Variants in ARID5B observed in about 807,000 individuals in gnomAD.
ARID5B encodes AT-rich interactive domain-containing protein 5B.
ARID5B carries 13 observed loss-of-function variants against 97.2 expected under a neutral mutation model. The observed-to-expected ratio is 0.13, with a 90% CI of 0.09 to 0.21. ARID5B has a LOEUF of 0.21. ARID5B is among the 10% of genes least tolerant of loss of function. The pLI is 1.00. For missense variants in ARID5B, 1,210 were observed against 1,465.3 expected (o/e 0.83, Z 2.84); for synonymous variants, 556 against 570.3 (o/e 0.97, Z 0.36).
intron 7 of ARID5B, among the ~76,000 whole-genome samples, chr10:62,059,958 TAAGA>T (rs1363810644): frequency 2.0e-5 from 3 of 152,286 alleles, no homozygotes; most frequent in Admixed American, 6.5e-5. Context: ...AATCTTTAAA[TAAGA>T]AAGAGCTGCA....
At chr10:61,920,903 A>T (rs1039124956) in intron 2 of ARID5B, among the ~76,000 whole-genome samples, 8 of 152,170 alleles carry the variant, frequency 5.3e-5, no homozygotes, top group Non-Finnish European at 1.0e-4. Context: ...CCTCTTTCAT[A>T]CTGAAAAATA....
intron 3 of ARID5B, among the ~76,000 whole-genome samples, chr10:61,982,675 C>A (rs1838793058): frequency 2.0e-5 from 3 of 152,168 alleles, no homozygotes. Flanking sequence ...ATCTCTTCCA[C>A]TAACTTGTGC....
chr10:62,019,476 T>G (rs1184000286), intron 4 of ARID5B, among the ~76,000 whole-genome samples: 1 of 152,222 alleles, frequency 6.6e-6, no homozygotes, highest in African/African-American at 2.4e-5. Flanking sequence ...AAAATATTGT[T>G]GAGGCATTTA....
At chr10:62,004,854 G>A in intron 4 of ARID5B, among the ~76,000 whole-genome samples, 1 of 152,170 alleles carries the variant, frequency 6.6e-6, no homozygotes, top group East Asian at 1.9e-4. Context: ...GTAGATAAAA[G>A]GATAACTTTA....
chr10:61,987,681 G>A (rs1322442463), intron 3 of ARID5B, among the ~76,000 whole-genome samples: 1 of 152,234 alleles, frequency 6.6e-6, no homozygotes, highest in Non-Finnish European at 1.5e-5. Flanking sequence ...ATATGTAAAT[G>A]AATGTGCATG....
chr10:61,907,540 C>T (rs1843727530), intron 2 of ARID5B, among the ~76,000 whole-genome samples: 1 of 152,276 alleles, frequency 6.6e-6, no homozygotes, highest in Non-Finnish European at 1.5e-5. Context: ...TAGTATAGTA[C>T]CTACACATGA....
intron 8 of ARID5B, among the ~76,000 whole-genome samples, chr10:62,071,567 A>AAGAGAG (rs3050506): frequency 1.4e-5 from 2 of 146,888 alleles, no homozygotes; most frequent in African/African-American, 2.5e-5. Flanking sequence ...AAAAAAAAAA[A>AAGAGAG]AGAGAGAAGG....
At chr10:62,044,011 C>T (rs566165866) in intron 4 of ARID5B, among the ~76,000 whole-genome samples, 34 of 151,842 alleles carry the variant, frequency 2.2e-4, no homozygotes, top group African/African-American at 6.8e-4. Context: ...GGCAAAGTGA[C>T]GACCTCATAT....
At chr10:61,909,547 G>A (rs1843767670) in intron 2 of ARID5B, among the ~76,000 whole-genome samples, 2 of 151,874 alleles carry the variant, frequency 1.3e-5, no homozygotes, top group South Asian at 4.2e-4. Context: ...GGATGGTCCC[G>A]ATCTCCTGAC....
intron 4 of ARID5B, among the ~76,000 whole-genome samples, chr10:62,035,311 A>G (rs1033034640): frequency 7.2e-5 from 11 of 152,206 alleles, no homozygotes; most frequent in African/African-American, 1.2e-4. Flanking sequence ...ATTTCAAAAC[A>G]TGACACAGAG....
In ARID5B at chr10:62,095,063, TC is replaced by T. The variant is rs1840448014; in HGVS notation, c.*2035del. The T allele has an allele frequency of 4.4e-6, 1 of 229,468 alleles. No individual in the cohort carries two copies. 14.2% of individuals were successfully genotyped at this position (229,468 alleles called of 1,614,324 possible). On this transcript the variant is annotated 3_prime_UTR_variant, in exon 10 of 10. Coordinates refer to ENST00000279873, the MANE Select transcript of ARID5B (RefSeq NM_032199.3). ...AATGTAGAGATCCAGTGTTAAGAGTTCCATTTGCTTCAATTAATTATTTACC... is the reference window on the plus strand; with the variant it reads ...AATGTAGAGATCCAGTGTTAAGAGTTCATTTGCTTCAATTAATTATTTACC...
intron 8 of ARID5B, among the ~76,000 whole-genome samples, chr10:62,079,570 C>G (rs75263852): frequency 0.088 from 13,376 of 152,230 alleles, 771 homozygotes; most frequent in East Asian, 0.2. Context: ...CCATGTAACT[C>G]CAGTTCAGGA....
At chr10:61,999,895 C>T (rs1000918947) in intron 3 of ARID5B, among the ~76,000 whole-genome samples, 196 bp from the exon 4 acceptor site, 1 of 152,028 alleles carries the variant, frequency 6.6e-6, no homozygotes, top group African/African-American at 2.4e-5. Context: ...GTCCACTGTG[C>T]GGGTAGCCTG....
chr10:62,055,377 A>G (rs1025775637), intron 5 of ARID5B, among the ~76,000 whole-genome samples: 1 of 152,196 alleles, frequency 6.6e-6, no homozygotes, highest in African/African-American at 2.4e-5. Flanking sequence ...TACGAAAATA[A>G]TAACTACCTC....
chr10:62,013,817 C>T (rs1839250181), intron 4 of ARID5B, among the ~76,000 whole-genome samples: 1 of 97,444 alleles, frequency 1.0e-5, no homozygotes. Flanking sequence ...TATATATATA[C>T]CACATTTTCT....
chr10:62,035,882 T>A (rs143219113), intron 4 of ARID5B, among the ~76,000 whole-genome samples: 1 of 152,142 alleles, frequency 6.6e-6, no homozygotes, highest in Non-Finnish European at 1.5e-5. Context: ...TGGAGTGCAG[T>A]GGCACGATCT....
At chr10:62,008,090 ACACACACACT>A (rs1839170012) in intron 4 of ARID5B, among the ~76,000 whole-genome samples, 3 of 134,322 alleles carry the variant, frequency 2.2e-5, no homozygotes, top group Admixed American at 1.7e-4. Context: ...ACACACACAC[ACACACACACT>A]GCCACATAAG....
rs150921874 is a variant in ARID5B, at chr10:61,918,250, A to G, written c.276+15837A>G. On this transcript the variant is annotated intron_variant, in intron 2 of 9. Coordinates refer to ENST00000279873, the MANE Select transcript of ARID5B (RefSeq NM_032199.3). ...TTAGCCTTGAAGAGTAGTTAAATGG[A>G]GTGTGAATATTTACTCTGCCAGTTA... Among the ~76,000 whole-genome samples the G allele has an allele frequency of 5.4e-4, 83 of 152,296 alleles. 1 individual carries two copies. The East Asian group carries it at 0.016, about 29-fold the overall frequency.
In ARID5B at chr10:62,095,305, G is replaced by C. The variant is rs1463776797; in HGVS notation, c.*2275G>C. ...AGAATCGGAGGACATGGAAGAAAAA[G>C]GAAACTTCGGTGGTTCTGCAGCAGA... On this transcript the variant is annotated 3_prime_UTR_variant, in exon 10 of 10. Transcript: ENST00000279873. 1 of 233,298 alleles carries C rather than the reference G, an allele frequency of 4.3e-6. No homozygotes were observed. Among genetic ancestry groups the C allele is most frequent in the Non-Finnish European group, 8.5e-6 (1 of 117,992 alleles). The allele number at this position is 233,298 out of a possible 1,614,324, so 14.5% of individuals were successfully genotyped here. A position where few individuals can be genotyped will look rare whatever the true frequency, so the allele number is the denominator to read the frequency against.
Sources: gnomAD v4.1 joint callset for allele counts (sites outside exome capture counted in the v4.1 genomes callset) on GRCh38, gnomAD v4.1.1 for gene constraint, MANE v1.5 for transcripts, NCBI Gene and HGNC (gene_info 2026-07-23, HGNC 2026-07-21) for gene names.